The following TRPS1 variants were observed in gnomAD, a reference collection of about 807,000 sequenced individuals.
The protein encoded by TRPS1 is zinc finger transcription factor Trps1.
Under a neutral mutation model 101.2 loss-of-function variants are expected in TRPS1, and 6 were observed. The observed-to-expected ratio is 0.06, with a 90% CI of 0.03 to 0.12. TRPS1 has a LOEUF of 0.12. Among genes scored for constraint, TRPS1 ranks in the 10% least tolerant of loss-of-function variants. TRPS1 has a pLI of 1.00. For synonymous variants in TRPS1, 578 were observed against 589.8 expected (o/e 0.98, Z 0.29); for missense variants, 1,363 against 1,567.0 (o/e 0.87, Z 2.20).
At chr8:115,439,720 C>T (rs1813543447) in intron 5 of TRPS1, among the ~76,000 whole-genome samples, 1 of 152,238 alleles carries the variant, frequency 6.6e-6, no homozygotes, top group Middle Eastern at 3.4e-3. Context: ...TGCTGAATAT[C>T]CAGAAATGCA....
chr8:115,433,005 T>A (rs2129840077), intron 5 of TRPS1, among the ~76,000 whole-genome samples: 1 of 152,094 alleles, frequency 6.6e-6, no homozygotes, highest in South Asian at 2.1e-4. Context: ...TGAGTTCCTA[T>A]CTGAGCAAGT....
chr8:115,624,816 G>GA (rs557227129), intron 1 of TRPS1, among the ~76,000 whole-genome samples: 10 of 150,770 alleles, frequency 6.6e-5, no homozygotes, highest in East Asian at 1.9e-4. Context: ...AAATACATAA[G>GA]AAAAAAAAAT....
intron 5 of TRPS1, among the ~76,000 whole-genome samples, chr8:115,472,296 G>A (rs1413288325): frequency 6.6e-6 from 1 of 152,222 alleles, no homozygotes; most frequent in Non-Finnish European, 1.5e-5. Flanking sequence ...CCACGTGGAA[G>A]CCACCAAGTC....
chr8:115,532,816 A>G (rs1183449355), intron 5 of TRPS1, among the ~76,000 whole-genome samples: 1 of 152,182 alleles, frequency 6.6e-6, no homozygotes, highest in Non-Finnish European at 1.5e-5. Flanking sequence ...TCAGAAGAGT[A>G]GTGAATAAAT....
chr8:115,457,299 A>G (rs916653084), intron 5 of TRPS1, among the ~76,000 whole-genome samples: 1 of 152,216 alleles, frequency 6.6e-6, no homozygotes, highest in Admixed American at 6.5e-5. Context: ...AATATCCAAC[A>G]TACGCTACAA....
chr8:115,629,286 T>C (rs1031234977), intron 1 of TRPS1, among the ~76,000 whole-genome samples: 6 of 152,020 alleles, frequency 3.9e-5, no homozygotes, highest in African/African-American at 1.2e-4. Flanking sequence ...GAGCTATCTA[T>C]GTTAAAAGAA....
intron 6 of TRPS1, 43 bp from the exon 7 acceptor site, chr8:115,415,127 A>G: frequency 6.4e-7 from 1 of 1,551,022 alleles, no homozygotes; most frequent in Non-Finnish European, 8.7e-7. Flanking sequence ...AACATTAAAA[A>G]ATACATTAAA....
intron 5 of TRPS1, among the ~76,000 whole-genome samples, chr8:115,567,790 A>G (rs544302861): frequency 3.9e-5 from 6 of 152,116 alleles, no homozygotes; most frequent in African/African-American, 1.2e-4. Context: ...CTAACGTGCA[A>G]TCCACTATGT....
chr8:115,508,292 C>T (rs191076875), intron 5 of TRPS1, among the ~76,000 whole-genome samples: 26 of 152,148 alleles, frequency 1.7e-4, no homozygotes, highest in South Asian at 1.0e-3. Context: ...GAGAAATAAA[C>T]GCCATTTTAA....
intron 5 of TRPS1, among the ~76,000 whole-genome samples, chr8:115,527,491 T>C (rs1816026953): frequency 6.6e-6 from 1 of 151,804 alleles, no homozygotes; most frequent in South Asian, 2.1e-4. Context: ...TCTTTCATAC[T>C]GAGTTCATAT....
intron 5 of TRPS1, among the ~76,000 whole-genome samples, chr8:115,436,380 C>G (rs1340623013): frequency 1.3e-5 from 2 of 152,078 alleles, no homozygotes; most frequent in Non-Finnish European, 2.9e-5. Flanking sequence ...TTAAACAAGT[C>G]ACGTGGAAAA....
intron 5 of TRPS1, among the ~76,000 whole-genome samples, chr8:115,524,319 C>CTTT (rs139406462): frequency 3.1e-4 from 22 of 70,720 alleles, no homozygotes; most frequent in Non-Finnish European, 5.1e-4. Flanking sequence ...CTTCTTCTTC[C>CTTT]TTTTTTTTTT....
chr8:115,603,218 G>C (rs1192441731), intron 4 of TRPS1, among the ~76,000 whole-genome samples: 1 of 152,180 alleles, frequency 6.6e-6, no homozygotes, highest in Non-Finnish European at 1.5e-5. Flanking sequence ...AGAGAATAGA[G>C]TGAAAGCAGA....
At chr8:115,470,807 T>C (rs994246353) in intron 5 of TRPS1, among the ~76,000 whole-genome samples, 4 of 152,136 alleles carry the variant, frequency 2.6e-5, no homozygotes, top group Non-Finnish European at 5.9e-5. Flanking sequence ...AAAACATTAG[T>C]TTTTACTACT....
Position 115,515,250 on chromosome 8 carries a change from G to A in TRPS1, c.2700+71751C>T, listed in dbSNP as rs973741394. The A allele has an allele frequency of 8.6e-6, 6 of 697,968 alleles. No homozygotes were observed. In the African/African-American group the frequency reaches 1.1e-4, roughly 12 times the overall value. The allele number at this position is 697,968 out of a possible 1,614,324, so 43.2% of individuals were successfully genotyped here. The stretch of plus-strand genomic sequence containing the variant: ...ATCTGGTTTTCTCAAAGACTAAACT[G>A]CTCTTCGGGAGTCATCCAAGCAGAT... On this transcript the variant is annotated intron_variant, in intron 5 of 6. Coordinates refer to ENST00000395715, the MANE Select transcript of TRPS1 (RefSeq NM_014112.5).
chr8:115,461,750 A>C (rs901331105), intron 5 of TRPS1, among the ~76,000 whole-genome samples: 2 of 152,194 alleles, frequency 1.3e-5, no homozygotes, highest in African/African-American at 4.8e-5. Context: ...TAAAAACCTC[A>C]TCTAGGAGTA....
At position 115,489,919 on chromosome 8, in the gene TRPS1, T is replaced by C. The variant is rs7015071; in HGVS notation, c.2701-71467A>G. On this transcript the variant is annotated intron_variant, in intron 5 of 6. Transcript: ENST00000395715. ...AATACTTTTAACATGCCAATTTTTA[T>C]GCCATACATAAAAATGTATTGTGTT... Among the ~76,000 whole-genome samples, 1,416 of 152,266 alleles carry C rather than the reference T, an allele frequency of 9.3e-3. 17 individuals are homozygous for C. Among genetic ancestry groups the C allele is most frequent in the African/African-American group, 0.032 (1,340 of 41,576 alleles).
chr8:115,623,047 T>A (rs2130542019), intron 2 of TRPS1, among the ~76,000 whole-genome samples: 1 of 152,264 alleles, frequency 6.6e-6, no homozygotes, highest in East Asian at 1.9e-4. Context: ...TAAAGACTAC[T>A]CAACCAGCAT....
intron 4 of TRPS1, among the ~76,000 whole-genome samples, chr8:115,596,416 G>A (rs1817785603): frequency 6.6e-6 from 1 of 151,856 alleles, no homozygotes; most frequent in African/African-American, 2.4e-5. Context: ...TACACTGTAT[G>A]TTAGTGACAT....
Sources: allele counts gnomAD v4.1 joint callset (sites outside exome capture counted in the v4.1 genomes callset), GRCh38; gene constraint gnomAD v4.1.1; transcripts MANE v1.5; gene names NCBI Gene and HGNC (gene_info 2026-07-23, HGNC 2026-07-21).